Variants in ODAD1 observed in about 807,000 individuals in gnomAD.
ODAD1 encodes the protein outer dynein arm-docking complex subunit 1.
In ODAD1, 49 loss-of-function variants were observed where a neutral mutation model predicts 67.2. That is an observed-to-expected ratio of 0.73 (90% CI 0.58 to 0.92). The LOEUF (loss-of-function observed/expected upper bound fraction) is 0.92. Ranked by LOEUF, ODAD1 falls within the 40% of genes least tolerant of loss-of-function variation. ODAD1 has a pLI of 0.00. For missense variants in ODAD1, 897 were observed against 953.7 expected (o/e 0.94, Z 0.78); for synonymous variants, 345 against 393.7 (o/e 0.88, Z 1.46).
chr19:48,321,729 A>C lies in ODAD1; in HGVS notation c.-115T>G, dbSNP rs1260660482. The C allele has an allele frequency of 2.5e-6, 1 of 396,910 alleles. No individual in the cohort carries two copies. The highest frequency in any genetic ancestry group is 2.1e-5 in the African/African-American group (1 of 48,464). 24.6% of individuals were successfully genotyped at this position (396,910 alleles called of 1,614,324 possible). On this transcript the variant is annotated 5_prime_UTR_variant, in exon 1 of 16. Transcript: ENST00000674294. ...AAAGAGCCTGCGGTGACCTGTATGGAAGCCCTCGAAGCCAGGCCGAGGTCC... is the reference window on the plus strand; with the variant it reads ...AAAGAGCCTGCGGTGACCTGTATGGCAGCCCTCGAAGCCAGGCCGAGGTCC...
chr19:48,307,294 A>T (rs1365117629), intron 7 of ODAD1, among the ~76,000 whole-genome samples: 1 of 152,196 alleles, frequency 6.6e-6, no homozygotes, highest in African/African-American at 2.4e-5. Context: ...TGAACTCACT[A>T]TTGTAAAATA....
chr19:48,314,367 A>G (rs1968844361), intron 5 of ODAD1, among the ~76,000 whole-genome samples: 1 of 152,174 alleles, frequency 6.6e-6, no homozygotes, highest in Non-Finnish European at 1.5e-5. Context: ...GAGAAAACAT[A>G]TTTTTGTTAT....
At chr19:48,310,037 T>C (rs1968715562) in intron 7 of ODAD1, among the ~76,000 whole-genome samples, 1 of 151,964 alleles carries the variant, frequency 6.6e-6, no homozygotes, top group African/African-American at 2.4e-5. Context: ...GAGTTTGAGA[T>C]CAGCCTGACC....
At chr19:48,316,816 G>A (rs1410412524) in intron 5 of ODAD1, among the ~76,000 whole-genome samples, 1 of 152,108 alleles carries the variant, frequency 6.6e-6, no homozygotes, top group East Asian at 1.9e-4. Context: ...TGGCCAACAT[G>A]GCAAAACCTC....
intron 7 of ODAD1, among the ~76,000 whole-genome samples, chr19:48,309,492 G>A (rs996967518): frequency 1.3e-5 from 2 of 152,116 alleles, no homozygotes; most frequent in Non-Finnish European, 2.9e-5. Flanking sequence ...TGGACGAGAC[G>A]ACCTGCCTGC....
In ODAD1 at chr19:48,303,935, C is replaced by T. The variant is rs747107469; in HGVS notation, c.853+18G>A. 8.7e-6 allele frequency: 14 copies of T among 1,608,434 alleles called. No homozygotes were observed. On this transcript the variant is annotated intron_variant, in intron 9 of 15. Coordinates refer to ENST00000674294, the MANE Select transcript of ODAD1 (RefSeq NM_001364171.2). ...CGGCCAGGCCCTTGAGATGCAAAGG[C>T]AGCAGCCCCAGCCTCACCCTGCTTT...
intron 7 of ODAD1, among the ~76,000 whole-genome samples, chr19:48,308,899 A>C (rs2147324492): frequency 6.6e-6 from 1 of 151,930 alleles, no homozygotes; most frequent in African/African-American, 2.4e-5. Context: ...GCAGCTACAG[A>C]CCCGGGCCTC....
At chr19:48,320,130 TG>T (rs1968996701) in intron 3 of ODAD1, 168 bp downstream of exon 3, 5 of 966,666 alleles carry the variant, frequency 5.2e-6, no homozygotes, top group Middle Eastern at 4.9e-4. Context: ...TGCCCAGGCT[TG>T]GCCCACCCAC....
At position 48,312,061 on chromosome 19, in the gene ODAD1, C is replaced by G; in HGVS notation, c.416G>C (p.Gly139Ala). ...CTTGACCTTCTGATCCAGGATGAAT[C>G]CCGGGGACCTGACATTCTTACTGTG... ...FTHSKNVRSP[G>A]FILDQKVKIR... Residue 139 changes from glycine (G) to alanine (A), a missense_variant, in exon 6 of 16, where the codon GGA becomes GCA. Transcript: ENST00000674294. 1 of 1,550,360 alleles carries G rather than the reference C, an allele frequency of 6.5e-7. No individual in the cohort carries two copies. Among genetic ancestry groups the G allele is most frequent in the Non-Finnish European group, 8.7e-7 (1 of 1,145,470 alleles).
rs2147306677 is a variant in ODAD1, at chr19:48,296,849, G to A, written c.*127C>T. The A allele has an allele frequency of 2.8e-6, 4 of 1,434,372 alleles. No individual in the cohort carries two copies. Among genetic ancestry groups the A allele is most frequent in the Non-Finnish European group, 3.6e-6 (4 of 1,100,838 alleles). 88.9% of individuals were successfully genotyped at this position (1,434,372 alleles called of 1,614,324 possible). A position where few individuals can be genotyped will look rare whatever the true frequency, so the allele number is the denominator to read the frequency against. ...AGGGCAGATGAAAACAGTTGAAGGG[G>A]CAAAAAGACAGAGGCCTGCCACTGG... On this transcript the variant is annotated 3_prime_UTR_variant, in exon 16 of 16. Coordinates refer to ENST00000674294, the MANE Select transcript of ODAD1 (RefSeq NM_001364171.2).
intron 8 of ODAD1, among the ~76,000 whole-genome samples, chr19:48,305,645 A>G (rs952903066): frequency 1.3e-5 from 2 of 151,924 alleles, no homozygotes; most frequent in Admixed American, 6.6e-5. Flanking sequence ...AGCTCAAGCA[A>G]TCTGCCTGCC....
intron 12 of ODAD1, among the ~76,000 whole-genome samples, chr19:48,298,542 G>C (rs1968370723): frequency 6.6e-6 from 1 of 152,180 alleles, no homozygotes. Context: ...GTCCTTCAAA[G>C]TCAGCCTCAA....
At chr19:48,304,611 C>T (rs1472205969) in intron 8 of ODAD1, among the ~76,000 whole-genome samples, 1 of 49,160 alleles carries the variant, frequency 2.0e-5, no homozygotes, top group Non-Finnish European at 4.0e-5. Flanking sequence ...AAGAGCGAAA[C>T]TGTCTCAAAA....
chr19:48,313,646 G>C (rs949900710), intron 5 of ODAD1, among the ~76,000 whole-genome samples: 3 of 151,986 alleles, frequency 2.0e-5, no homozygotes, highest in African/African-American at 7.3e-5. Context: ...ACTTTGGAAG[G>C]CTGAGGCAGG....
Position 48,296,764 on chromosome 19 carries a change from G to C in ODAD1, c.*212C>G, listed in dbSNP as rs1968292199. 7.1e-7 allele frequency: 1 copy of C among 1,401,338 alleles called. No individual in the cohort carries two copies. Among genetic ancestry groups the C allele is most frequent in the Non-Finnish European group, 9.2e-7 (1 of 1,084,418 alleles). The allele number at this position is 1,401,338 out of a possible 1,614,324, so 86.8% of individuals were successfully genotyped here. ...AGAACAGGAGATCAGGAGTCAGAGG[G>C]AAAAGCAGTGTCAGGAGCAGAGAGA... On this transcript the variant is annotated 3_prime_UTR_variant, in exon 16 of 16. Transcript: ENST00000674294.
In ODAD1 at chr19:48,311,598, C is replaced by A; in HGVS notation, c.552G>T (p.Arg184=). The stretch of plus-strand genomic sequence containing the variant: ...CGTTCAGATAGCGGTTCCTGTCGAT[C>A]CGCAGCAGATCCAGCTCCTCCCGCA... The part of the protein sequence containing the change: ...AALREELDLL[R]IDRNRYLNVD... Residue 184 remains arginine (R), a synonymous_variant, in exon 7 of 16, where the codon CGG becomes CGT. Transcript: ENST00000674294. The A allele has an allele frequency of 6.4e-7, 1 of 1,551,410 alleles. No homozygotes were observed. The highest frequency in any genetic ancestry group is 1.2e-5 in the South Asian group (1 of 84,054).
intron 7 of ODAD1, among the ~76,000 whole-genome samples, chr19:48,310,456 G>T (rs1569008494): frequency 6.6e-6 from 1 of 152,158 alleles, no homozygotes; most frequent in Non-Finnish European, 1.5e-5. Context: ...GACAATCAGT[G>T]ACCTTGACAT....
intron 12 of ODAD1, among the ~76,000 whole-genome samples, chr19:48,302,391 G>GATGA (rs909996199): frequency 6.6e-6 from 1 of 151,608 alleles, no homozygotes; most frequent in African/African-American, 2.4e-5. Flanking sequence ...TGGATGGATG[G>GATGA]ATGGATGGAT....
At chr19:48,319,101 C>T (rs1028712540) in intron 3 of ODAD1, among the ~76,000 whole-genome samples, 7 of 152,160 alleles carry the variant, frequency 4.6e-5, no homozygotes, top group Admixed American at 4.6e-4. Context: ...CTGGGCACAC[C>T]ACCTGGAATT....
Sources: allele counts gnomAD v4.1 joint callset (sites outside exome capture counted in the v4.1 genomes callset), GRCh38; gene constraint gnomAD v4.1.1; transcripts MANE v1.5; gene names NCBI Gene and HGNC (gene_info 2026-07-23, HGNC 2026-07-21).